CLCN3: variants seen among roughly 807,000 people sequenced by gnomAD.
The protein encoded by CLCN3 is H(+)/Cl(-) exchange transporter 3.
CLCN3 carries 16 observed loss-of-function variants against 83.4 expected under a neutral mutation model. The observed-to-expected ratio is 0.19, with a 90% confidence interval of 0.13 to 0.29. The LOEUF (loss-of-function observed/expected upper bound fraction) is 0.29, where lower values mean the gene tolerates loss of function less well. Among genes scored for constraint, CLCN3 ranks in the 10% least tolerant of loss-of-function variants. The probability of loss-of-function intolerance (pLI) is 1.00; values close to 1 mark genes in which losing one functional copy is unlikely to be tolerated. For synonymous variants in CLCN3, 322 were observed against 346.2 expected (o/e 0.93, Z 0.78); for missense variants, 544 against 1,006.0 (o/e 0.54, Z 6.21).
chr4:169,675,283 A>G (rs1368214606), intron 2 of CLCN3, among the ~76,000 whole-genome samples: 1 of 152,102 alleles, frequency 6.6e-6, no homozygotes, highest in Non-Finnish European at 1.5e-5. Context: ...CCCTTATCCC[A>G]CCCCAAGTTG....
chr4:169,642,570 A>T (rs1730447207), intron 2 of CLCN3: 1 of 152,102 alleles, frequency 6.6e-6, no homozygotes, highest in South Asian at 2.1e-4. Context: ...ACTCTGTCAC[A>T]CCCAGTGGCA....
chr4:169,715,729 A>G (rs1733399414), intron 12 of CLCN3, among the ~76,000 whole-genome samples: 1 of 152,102 alleles, frequency 6.6e-6, no homozygotes. Flanking sequence ...TCAATTAGCT[A>G]TTGGTTTTCT....
chr4:169,720,226 C>CT lies in CLCN3; in HGVS notation c.*230dup, dbSNP rs1326553707. ...AGGAAAGGAGTGAGGTATTTCCCGT[C>CT]TAACAGAAAGCAGCGTATCAACTCC... On this transcript the variant is annotated 3_prime_UTR_variant, in exon 13 of 13. Transcript: ENST00000513761. 1 of 622,682 alleles carries CT rather than the reference C, an allele frequency of 1.6e-6. No homozygotes were observed. Among genetic ancestry groups the CT allele is most frequent in the Admixed American group, 3.0e-5 (1 of 33,262 alleles). 38.6% of individuals were successfully genotyped at this position (622,682 alleles called of 1,614,324 possible).
intron 7 of CLCN3, 131 bp from the exon 8 acceptor site, chr4:169,695,481 C>A: frequency 1.4e-6 from 1 of 691,640 alleles, no homozygotes. Context: ...TTACCCTTTG[C>A]TTAGGGAGCA....
In CLCN3 at chr4:169,639,039, C is replaced by CT. The variant is rs199785928; in HGVS notation, c.160+2958dup. Among the ~76,000 whole-genome samples, 780 of 152,140 alleles carry CT rather than the reference C, an allele frequency of 5.1e-3. 1 individual carries two copies. Among genetic ancestry groups the CT allele is most frequent in the Non-Finnish European group, 8.7e-3 (590 of 67,958 alleles). On this transcript the variant is annotated intron_variant, in intron 2 of 12. Coordinates refer to ENST00000513761, the MANE Select transcript of CLCN3 (RefSeq NM_001829.4). ...TAGGCAACCATTGGTGTTTTCTTTT[C>CT]TTTTTTTGGAGACAGAGTCTCGCTC...
Position 169,620,822 on chromosome 4 carries a change from G to T in CLCN3, c.-258G>T. 2.5e-6 allele frequency: 1 copy of T among 398,600 alleles called. No homozygotes were observed. Among genetic ancestry groups the T allele is most frequent in the South Asian group, 1.3e-4 (1 of 7,850 alleles). The allele number at this position is 398,600 out of a possible 1,614,324, so 24.7% of individuals were successfully genotyped here. ...GACTCTAGGGATCTCCAGAGCGAGA[G>T]GATTTAACTTCATGTTGCTCCCGTG... On this transcript the variant is annotated 5_prime_UTR_variant, in exon 1 of 13. The change creates a new upstream start codon in the 5' untranslated region. Coordinates refer to ENST00000513761, the MANE Select transcript of CLCN3 (RefSeq NM_001829.4).
At chr4:169,667,073 T>TA (rs1731271479) in intron 2 of CLCN3, among the ~76,000 whole-genome samples, 1 of 152,310 alleles carries the variant, frequency 6.6e-6, no homozygotes, top group South Asian at 2.1e-4. Context: ...ATGTCATATC[T>TA]AAAAAACCTG....
At position 169,636,094 on chromosome 4, in the gene CLCN3, T is replaced by A; in HGVS notation, c.160+6T>A. The A allele has an allele frequency of 6.2e-7, 1 of 1,609,452 alleles. No homozygotes were observed. ...AGATGGTGACACTGCAGTTGGTAAG[T>A]TCAGCATGACAGCCTAATGTTTGTA... On this transcript the variant is annotated splice_donor_region_variant and intron_variant, in intron 2 of 12. Transcript: ENST00000513761.
At chr4:169,687,532 C>T (rs1732209184) in intron 3 of CLCN3, 126 bp from the exon 4 acceptor site, 1 of 566,738 alleles carries the variant, frequency 1.8e-6, no homozygotes, top group African/African-American at 2.0e-5. Flanking sequence ...TCCAGACTTA[C>T]CTTTTCCATT....
chr4:169,632,542 C>A (rs892611653), intron 1 of CLCN3, among the ~76,000 whole-genome samples: 10 of 151,676 alleles, frequency 6.6e-5, no homozygotes, highest in Admixed American at 1.3e-4. Flanking sequence ...ATGGTGAAAC[C>A]CCGTCTCTAC....
chr4:169,655,314 A>G (rs1463195387), intron 2 of CLCN3, among the ~76,000 whole-genome samples: 2 of 152,188 alleles, frequency 1.3e-5, no homozygotes, highest in Non-Finnish European at 2.9e-5. Flanking sequence ...AAATAGTGGC[A>G]TATTTGGATT....
intron 2 of CLCN3, among the ~76,000 whole-genome samples, chr4:169,652,038 AC>A (rs1291737557): frequency 6.6e-6 from 1 of 152,180 alleles, no homozygotes. Context: ...TAACTTAAAG[AC>A]TTTTGAATTG....
chr4:169,637,685 C>G (rs572561240), intron 2 of CLCN3, among the ~76,000 whole-genome samples: 1 of 152,010 alleles, frequency 6.6e-6, no homozygotes, highest in Non-Finnish European at 1.5e-5. Flanking sequence ...CTCAAGGTCA[C>G]AAAGATATTC....
chr4:169,665,506 C>G (rs1387808204), intron 2 of CLCN3, among the ~76,000 whole-genome samples: 1 of 152,008 alleles, frequency 6.6e-6, no homozygotes, highest in Non-Finnish European at 1.5e-5. Flanking sequence ...GATTTGGAGT[C>G]TGCTAACATT....
rs369710099 is a variant in CLCN3 at position 169,707,165 on chromosome 4, T to C, written c.2048T>C (p.Met683Thr). Residue 683 changes from methionine to threonine, a missense_variant, in exon 11 of 13, where the codon ATG becomes ACG. Transcript: ENST00000513761. ...ATGACAGTGGATGATATAGAAAACA[T>C]GATTAATGAAACCAGCTACAATGGA... ...DNMTVDDIENMINETSYNGFP... is the reference protein window; with the variant it reads ...DNMTVDDIENTINETSYNGFP... 2.9e-5 allele frequency: 47 copies of C among 1,613,876 alleles called. No homozygotes were observed. Among genetic ancestry groups the C allele is most frequent in the Non-Finnish European group, 3.9e-5 (46 of 1,179,904 alleles).
At chr4:169,675,694 A>G (rs1254901714) in intron 2 of CLCN3, among the ~76,000 whole-genome samples, 1 of 152,186 alleles carries the variant, frequency 6.6e-6, no homozygotes, top group African/African-American at 2.4e-5. Context: ...GAGGTTTTCA[A>G]AGTTTATAGT....
intron 7 of CLCN3, 52 bp from the exon 8 acceptor site, chr4:169,695,559 TG>T: frequency 7.8e-7 from 1 of 1,275,098 alleles, no homozygotes; most frequent in Non-Finnish European, 1.1e-6. Flanking sequence ...AATTTTTATT[TG>T]GTATGTTTGA....
intron 1 of CLCN3, among the ~76,000 whole-genome samples, chr4:169,630,842 C>T (rs1773351395): frequency 6.6e-6 from 1 of 152,144 alleles, no homozygotes; most frequent in African/African-American, 2.4e-5. Context: ...ACCATATTTT[C>T]TTTATCCAGT....
chr4:169,638,488 A>AT (rs5864001), intron 2 of CLCN3, among the ~76,000 whole-genome samples: 112,050 of 151,962 alleles, frequency 0.74, 41,774 homozygotes, highest in East Asian at 0.97. Flanking sequence ...TTTATCACAG[A>AT]TTTTTTTTCT....
Sources: gnomAD v4.1 joint callset for allele counts (sites outside exome capture counted in the v4.1 genomes callset) on GRCh38, gnomAD v4.1.1 for gene constraint, MANE v1.5 for transcripts, NCBI Gene and HGNC (gene_info 2026-07-23, HGNC 2026-07-21) for gene names.